The following LSM12 variants were observed in gnomAD, a reference collection of about 807,000 sequenced individuals.
LSM12 encodes protein LSM12.
For synonymous variants in LSM12, 74 were observed against 87.3 expected (o/e 0.85, Z 0.85); for missense variants, 108 against 238.9 (o/e 0.45, Z 3.61).
chr17:44,040,029 A>T, intron 3 of LSM12, 118 bp downstream of exon 3: 1 of 677,568 alleles, frequency 1.5e-6, no homozygotes, highest in Non-Finnish European at 2.6e-6. Context: ...TATTGCCAAT[A>T]CCCTACCCAG....
rs887678319 is a variant in LSM12, at chr17:44,052,257, C to T, written c.258+11544G>A. 4.8e-4 allele frequency among the ~76,000 whole-genome samples: 70 copies of T among 146,614 alleles called. 1 individual carries two copies. Among genetic ancestry groups the T allele is most frequent in the African/African-American group, 1.7e-3 (67 of 39,748 alleles). On this transcript the variant is annotated intron_variant, in intron 2 of 4. Coordinates refer to ENST00000293406, the MANE Select transcript of LSM12 (RefSeq NM_001371445.1). ...TCTCTAAATTAAAAAAAAAAACAAA[C>T]AACAAAAAAAAAACCCTGAGCCCAG... is the stretch of plus-strand genomic sequence containing the variant.
intron 2 of LSM12, among the ~76,000 whole-genome samples, chr17:44,044,745 T>C (rs1333443282): frequency 6.6e-6 from 1 of 152,238 alleles, no homozygotes; most frequent in East Asian, 1.9e-4. Flanking sequence ...GGAGATTACC[T>C]TGCCCTTTTT....
At chr17:44,057,988 G>A (rs941823728) in intron 2 of LSM12, among the ~76,000 whole-genome samples, 1 of 151,718 alleles carries the variant, frequency 6.6e-6, no homozygotes, top group Non-Finnish European at 1.5e-5. Flanking sequence ...TGTAATCCCA[G>A]CACTTTGGGA....
rs944810615 is a variant in LSM12 at position 44,055,340 on chromosome 17, C to T, written c.258+8461G>A. 4.6e-5 allele frequency among the ~76,000 whole-genome samples: 7 copies of T among 151,710 alleles called. No homozygotes were observed. The East Asian group carries it at 7.7e-4, about 17-fold the overall frequency. ...AGGCCATCTCTGACTTTACTGGACA[C>T]GTCCATACCTCAACATATTAGGGTC... is the stretch of plus-strand genomic sequence containing the variant. On this transcript the variant is annotated intron_variant, in intron 2 of 4. Coordinates refer to ENST00000293406, the MANE Select transcript of LSM12 (RefSeq NM_001371445.1).
chr17:44,056,958 T>G (rs1240515687), intron 2 of LSM12, among the ~76,000 whole-genome samples: 1 of 151,820 alleles, frequency 6.6e-6, no homozygotes, highest in Non-Finnish European at 1.5e-5. Flanking sequence ...GCCATTGCAC[T>G]CCAGCTTGGG....
intron 4 of LSM12, 120 bp from the exon 5 acceptor site, chr17:44,036,420 C>T (rs2049416445): frequency 1.5e-6 from 2 of 1,319,572 alleles, no homozygotes; most frequent in South Asian, 1.3e-5. Flanking sequence ...TGTCCAGGCA[C>T]CTTTGCCCTT....
chr17:44,050,133 CTT>C (rs757591030), intron 2 of LSM12, among the ~76,000 whole-genome samples: 19 of 152,126 alleles, frequency 1.2e-4, no homozygotes, highest in East Asian at 3.9e-4. Flanking sequence ...GAGTTTCTCT[CTT>C]GTTGCCCAGG....
At chr17:44,059,541 G>A (rs1386916389) in intron 2 of LSM12, among the ~76,000 whole-genome samples, 1 of 152,102 alleles carries the variant, frequency 6.6e-6, no homozygotes, top group East Asian at 1.9e-4. Flanking sequence ...AATGGACTGA[G>A]ACCCTGTCTC....
upstream of LSM12, among the ~76,000 whole-genome samples, chr17:44,067,126 C>T (rs568377725): frequency 1.3e-5 from 2 of 152,096 alleles, no homozygotes; most frequent in Non-Finnish European, 2.9e-5. Flanking sequence ...ATGGTGAAAC[C>T]CCGTCTCTAC....
chr17:44,036,306 A>G lies in LSM12; in HGVS notation c.496-6T>C. On this transcript the variant is annotated splice_region_variant and splice_polypyrimidine_tract_variant and intron_variant, in intron 4 of 4. Transcript: ENST00000293406. ...TCTCTAAAATGTTTTTCAACCTGAA[A>G]AAGACCAGGCAACCCAGGTCAACAA... 6.2e-7 allele frequency: 1 copy of G among 1,614,126 alleles called. No individual in the cohort carries two copies. Among genetic ancestry groups the G allele is most frequent in the East Asian group, 2.2e-5 (1 of 44,878 alleles).
intron 2 of LSM12, among the ~76,000 whole-genome samples, chr17:44,063,437 C>CAT (rs1167763472): frequency 6.6e-6 from 1 of 151,958 alleles, no homozygotes; most frequent in Non-Finnish European, 1.5e-5. Context: ...GCAGAAAATG[C>CAT]ATATATTCAC....
intron 1 of LSM12, among the ~76,000 whole-genome samples, 159 bp downstream of exon 1, chr17:44,066,305 G>A (rs1207774580): frequency 2.0e-5 from 3 of 152,228 alleles, no homozygotes; most frequent in South Asian, 2.1e-4. Flanking sequence ...CCGCGGGAGG[G>A]GGAGGGGAGC....
intron 2 of LSM12, among the ~76,000 whole-genome samples, chr17:44,052,426 G>A (rs1383445611): frequency 2.0e-5 from 3 of 152,082 alleles, no homozygotes; most frequent in Non-Finnish European, 2.9e-5. Context: ...CAAGGCTGCT[G>A]CAAGCAGAGC....
intron 2 of LSM12, chr17:44,040,461 CTTCT>C (rs576419334): frequency 3.0e-4 from 145 of 487,624 alleles, no homozygotes; most frequent in African/African-American, 2.4e-3. Context: ...TCCTTCCTTC[CTTCT>C]AATACTTACT....
intron 3 of LSM12, among the ~76,000 whole-genome samples, chr17:44,038,500 C>A (rs1198943211): frequency 6.6e-6 from 1 of 151,776 alleles, no homozygotes; most frequent in Non-Finnish European, 1.5e-5. Context: ...ACTAAAAATA[C>A]AAAAATTAGC....
intron 2 of LSM12, among the ~76,000 whole-genome samples, chr17:44,052,270 A>C (rs567555380): frequency 1.2e-3 from 177 of 150,714 alleles, no homozygotes; most frequent in Admixed American, 2.9e-3. Context: ...CAAAAAAAAA[A>C]CCCTGAGCCC....
Position 44,037,556 on chromosome 17 carries a change from C to T in LSM12, c.369-18G>A, listed in dbSNP as rs1475698202. ...CTTTAATGCTGGAAGGAGAAGACAG[C>T]AGGCGAAATGTAACCTCTTGGGGGC... On this transcript the variant is annotated intron_variant, in intron 3 of 4. Transcript: ENST00000293406. 11 of 1,597,208 alleles carry T rather than the reference C, an allele frequency of 6.9e-6. No homozygotes were observed. The highest frequency in any genetic ancestry group is 1.7e-5 in the Admixed American group (1 of 57,238).
intron 1 of LSM12, among the ~76,000 whole-genome samples, chr17:44,065,619 A>C (rs1478732951): frequency 6.6e-6 from 1 of 152,082 alleles, no homozygotes; most frequent in Non-Finnish European, 1.5e-5. Flanking sequence ...CACCCCAAAG[A>C]AGCAGGCCAC....
chr17:44,042,538 T>TTG (rs1030272579), intron 2 of LSM12, among the ~76,000 whole-genome samples: 3 of 148,766 alleles, frequency 2.0e-5, no homozygotes, highest in African/African-American at 7.4e-5. Context: ...TAGCTGGGAT[T>TTG]ACAGGTGCCC....
Sources: allele counts gnomAD v4.1 joint callset (sites outside exome capture counted in the v4.1 genomes callset), GRCh38; gene constraint gnomAD v4.1.1; transcripts MANE v1.5; gene names NCBI Gene and HGNC (gene_info 2026-07-23, HGNC 2026-07-21).